Variants in NPC1 observed in about 807,000 individuals in gnomAD.
NPC1 encodes the protein NPC intracellular cholesterol transporter 1, also known as Niemann-Pick C1 protein.
A neutral mutation model predicts 140.4 loss-of-function variants in NPC1; 85 were observed. The observed-to-expected ratio is 0.61, with a 90% CI of 0.51 to 0.72. NPC1 has a LOEUF of 0.72. Among genes scored for constraint, NPC1 ranks in the 30% least tolerant of loss-of-function variants. The pLI is 0.00. For synonymous variants in NPC1, 656 were observed against 624.8 expected (o/e 1.05, Z -0.74); for missense variants, 1,504 against 1,623.8 (o/e 0.93, Z 1.27).
chr18:23,560,283 T>G lies in NPC1; in HGVS notation c.829A>C (p.Met277Leu). 1 of 1,614,184 alleles carries G rather than the reference T, an allele frequency of 6.2e-7. No individual in the cohort carries two copies. The highest frequency in any genetic ancestry group is 8.5e-7 in the Non-Finnish European group (1 of 1,180,036). ...CCAAAAAACACAAGCAAAAACGCCA[T>G]GTAGGTGATCCACATGATGACATAC... is the stretch of plus-strand genomic sequence containing the variant. ...AMYVIMWITYMAFLLVFFGAF... is the reference protein window; with the variant it reads ...AMYVIMWITYLAFLLVFFGAF... The change falls in exon 6 of 25, where the codon ATG (methionine) becomes CTG (leucine). Residue 277 changes from methionine (M) to leucine (L), a missense_variant. Physicochemically the swap from Met to Leu is conservative, Grantham distance 15. Coordinates refer to ENST00000269228, the MANE Select transcript of NPC1 (RefSeq NM_000271.5).
downstream of NPC1, chr18:23,529,567 TAGAG>T (rs1317803079): frequency 2.1e-6 from 3 of 1,410,676 alleles, no homozygotes; most frequent in Admixed American, 3.4e-5. Context: ...GGGGGTTGGA[TAGAG>T]AGTTATATGC....
rs1234612505 is a variant in NPC1 at position 23,544,370 on chromosome 18, T to C, written c.2104A>G (p.Ile702Val). Residue 702 changes from isoleucine (I) to valine (V), a missense_variant, in exon 13 of 25, where the codon ATC becomes GTC. Transcript: ENST00000269228. ...TGGTAGGCCTGCACCAGAATGAAGATGTTGTCCACTCCAACAGCCAGCACC... is the reference window on the plus strand; with the variant it reads ...TGGTAGGCCTGCACCAGAATGAAGACGTTGTCCACTCCAACAGCCAGCACC... Reference protein sequence around the residue: ...FLVLAVGVDNIFILVQAYQRD... With the variant: ...FLVLAVGVDNVFILVQAYQRD... 2 of 1,614,146 alleles carry C rather than the reference T, an allele frequency of 1.2e-6. No individual in the cohort carries two copies. The highest frequency in any genetic ancestry group is 2.2e-5 in the South Asian group (2 of 91,074).
intron 14 of NPC1, among the ~76,000 whole-genome samples, chr18:23,542,344 G>A (rs577476228): frequency 1.3e-5 from 2 of 150,482 alleles, no homozygotes; most frequent in African/African-American, 4.9e-5. Context: ...TGGAGATGAA[G>A]AATAACAAGC....
At chr18:23,578,425 C>T (rs925468718) in intron 1 of NPC1, among the ~76,000 whole-genome samples, 5 of 152,240 alleles carry the variant, frequency 3.3e-5, no homozygotes, top group Non-Finnish European at 7.3e-5. Context: ...CCAAACCCCA[C>T]CGTGTGCAAG....
intron 1 of NPC1, chr18:23,524,093 G>T: frequency 6.2e-7 from 1 of 1,610,188 alleles, no homozygotes; most frequent in South Asian, 1.1e-5. Flanking sequence ...AGCATTTTCT[G>T]ACTGCATCGT....
intron 1 of NPC1, among the ~76,000 whole-genome samples, chr18:23,578,354 ACT>A (rs757278686): frequency 7.9e-5 from 12 of 152,164 alleles, no homozygotes; most frequent in Admixed American, 2.0e-4. Flanking sequence ...CCAGAAACAG[ACT>A]CTCAATAAAA....
In NPC1 at chr18:23,563,987, G is replaced by GTTTTTTT. The variant is rs71163619; in HGVS notation, c.464-2467_464-2461dup. On this transcript the variant is annotated intron_variant, in intron 4 of 24. Coordinates refer to ENST00000269228, the MANE Select transcript of NPC1 (RefSeq NM_000271.5). ...ATTTATTTATCATTGAGTAGTAAGAGTTTTTTTTTTTTTTTTTTGGAGATG... is the reference window on the plus strand; with the variant it reads ...ATTTATTTATCATTGAGTAGTAAGAGTTTTTTTTTTTTTTTTTTTTTTTTTGGAGATG... Among the ~76,000 whole-genome samples the GTTTTTTT allele has an allele frequency of 5.5e-3, 568 of 102,480 alleles. 31 individuals are homozygous for GTTTTTTT. The highest frequency in any genetic ancestry group is 0.011 in the East Asian group (31 of 2,832). 67.2% of individuals were successfully genotyped at this position (102,480 alleles called of 152,430 possible).
At chr18:23,521,953 A>G (rs540041489), downstream of NPC1, among the ~76,000 whole-genome samples, 1 of 152,366 alleles carries the variant, frequency 6.6e-6, no homozygotes, top group South Asian at 2.1e-4. Context: ...TGCAAGACGT[A>G]GTCAGATGGC....
In NPC1 at chr18:23,560,412, C is replaced by A; in HGVS notation, c.700G>T (p.Val234Phe). ...TKGCDESVDEVTAPCSCQDCS... is the reference protein window; with the variant it reads ...TKGCDESVDEFTAPCSCQDCS... ...TCTTGGCAGCTACATGGTGCTGTGA[C>A]CTCATCCACAGACTCGTCACAGCCT... Residue 234 changes from valine (V) to phenylalanine (F), a missense_variant, in exon 6 of 25, where the codon GTC (valine) becomes TTC (phenylalanine). Val to Phe is a conservative substitution (Grantham distance 50). Transcript: ENST00000269228. 6.2e-7 allele frequency: 1 copy of A among 1,614,208 alleles called. No homozygotes were observed. Among genetic ancestry groups the A allele is most frequent in the Non-Finnish European group, 8.5e-7 (1 of 1,180,030 alleles).
downstream of NPC1, chr18:23,528,975 G>C: frequency 1.4e-6 from 1 of 718,028 alleles, no homozygotes; most frequent in Non-Finnish European, 2.1e-6. Context: ...TGCCTCCTGG[G>C]TTCAAGGGAT....
At chr18:23,554,160 C>T (rs2058915072) in intron 9 of NPC1, among the ~76,000 whole-genome samples, 1 of 152,162 alleles carries the variant, frequency 6.6e-6, no homozygotes, top group Non-Finnish European at 1.5e-5. Flanking sequence ...GTGATGTGCC[C>T]AGCTGTCCTT....
chr18:23,530,309 G>T (rs549598392), downstream of NPC1: 29 of 1,614,204 alleles, frequency 1.8e-5, no homozygotes, highest in East Asian at 6.5e-4. Flanking sequence ...TAACTCTGAT[G>T]TGTGAGGTTT....
chr18:23,544,358 C>A lies in NPC1; in HGVS notation c.2116G>T (p.Val706Leu). The stretch of plus-strand genomic sequence containing the variant: ...TGGAAGTATACCTGGTAGGCCTGCA[C>A]CAGAATGAAGATGTTGTCCACTCCA... ...AVGVDNIFIL[V>L]QAYQRDERLQ... Residue 706 changes from valine to leucine, a missense_variant, in exon 13 of 25, where the codon GTG (valine) becomes TTG (leucine). Transcript: ENST00000269228. 6.2e-7 allele frequency: 1 copy of A among 1,614,110 alleles called. No individual in the cohort carries two copies. Among genetic ancestry groups the A allele is most frequent in the African/African-American group, 1.3e-5 (1 of 75,014 alleles).
chr18:23,544,823 G>A (rs1299862295), intron 12 of NPC1, 137 bp downstream of exon 12: 7 of 743,544 alleles, frequency 9.4e-6, no homozygotes, highest in African/African-American at 3.5e-5. Flanking sequence ...CAACAGAAAC[G>A]TTACATACAA....
intron 3 of NPC1, chr18:23,508,139 T>C (rs1352629092): frequency 9.8e-6 from 11 of 1,117,130 alleles, no homozygotes; most frequent in Non-Finnish European, 1.4e-5. Context: ...GAGCACAGAC[T>C]TGAAGTCAGA....
downstream of NPC1, chr18:23,531,371 G>A (rs371642931): frequency 3.6e-6 from 2 of 552,434 alleles, no homozygotes; most frequent in Non-Finnish European, 5.7e-6. Flanking sequence ...GCTGTCTAAT[G>A]AAACTTCTAG....
chr18:23,521,693 CTCTTT>C (rs368539138), downstream of NPC1, among the ~76,000 whole-genome samples: 109 of 68,920 alleles, frequency 1.6e-3, 1 homozygote, highest in Non-Finnish European at 2.1e-3. Flanking sequence ...CACACTCTCT[CTCTTT>C]TTTTTTTTTC....
At chr18:23,558,482 G>A (rs922950476) in intron 6 of NPC1, among the ~76,000 whole-genome samples, 4 of 152,110 alleles carry the variant, frequency 2.6e-5, no homozygotes, top group Non-Finnish European at 5.9e-5. Flanking sequence ...GGAAGGACAT[G>A]CTACAAAATA....
chr18:23,571,472 C>T (rs150630738), intron 3 of NPC1, among the ~76,000 whole-genome samples: 1 of 152,030 alleles, frequency 6.6e-6, no homozygotes, highest in Non-Finnish European at 1.5e-5. Context: ...GCCTGGCCAA[C>T]ATGGTGAAAC....
Sources: allele counts gnomAD v4.1 joint callset (sites outside exome capture counted in the v4.1 genomes callset), GRCh38; gene constraint gnomAD v4.1.1; transcripts MANE v1.5; gene names NCBI Gene and HGNC (gene_info 2026-07-23, HGNC 2026-07-21).